The following CHLSN variants were observed in gnomAD, a reference collection of about 807,000 sequenced individuals.
CHLSN encodes the protein cholesin.
chr7:1,109,964 C>A, the CHLSN span, among the ~76,000 whole-genome samples: 122 of 152,336 alleles, frequency 8.0e-4, no homozygotes, highest in African/African-American at 2.7e-3. Context: ...CTCGCCGGGC[C>A]GTGGGCTGCG....
chr7:1,112,623 G>A, the CHLSN span, among the ~76,000 whole-genome samples: 4 of 151,606 alleles, frequency 2.6e-5, no homozygotes, highest in Non-Finnish European at 5.9e-5. Flanking sequence ...AAAAGCAAAC[G>A]AGCTTTAATT....
chr7:1,100,531 G>A, the CHLSN span, among the ~76,000 whole-genome samples: 8 of 152,210 alleles, frequency 5.3e-5, no homozygotes, highest in African/African-American at 1.9e-4. Context: ...ACCAAGCGGC[G>A]TCAGCTGGGG....
the CHLSN span, chr7:1,009,985 G>C: frequency 1.3e-6 from 2 of 1,586,088 alleles, no homozygotes; most frequent in Non-Finnish European, 1.7e-6. Context: ...CGGCCCCCGA[G>C]CGCCTGGCAG....
chr7:985,553 C>T, the CHLSN span, among the ~76,000 whole-genome samples: 1,869 of 152,320 alleles, frequency 0.012, 21 homozygotes, highest in Middle Eastern at 0.041. Flanking sequence ...ATCTCCCCCA[C>T]GCCCTCATCA....
At chr7:1,130,819 G>A in the CHLSN span, among the ~76,000 whole-genome samples, 15 of 152,278 alleles carry the variant, frequency 9.9e-5, no homozygotes, top group African/African-American at 2.6e-4. Flanking sequence ...CCTCCAGCCC[G>A]GACGGCTCAG....
the CHLSN span, among the ~76,000 whole-genome samples, chr7:1,011,514 C>A: frequency 6.6e-6 from 1 of 150,968 alleles, no homozygotes; most frequent in Non-Finnish European, 1.5e-5. Flanking sequence ...CCCTGACACA[C>A]CCACACCCAG....
At chr7:1,022,514 G>A in the CHLSN span, among the ~76,000 whole-genome samples, 2 of 152,082 alleles carry the variant, frequency 1.3e-5, no homozygotes, top group Admixed American at 6.5e-5. Context: ...TAACGCAATC[G>A]CAGGTGACGG....
At chr7:1,134,067 G>A in the CHLSN span, among the ~76,000 whole-genome samples, 4 of 152,032 alleles carry the variant, frequency 2.6e-5, no homozygotes, top group Non-Finnish European at 4.4e-5. Context: ...GGACTGCTGG[G>A]ATTGCAGGCG....
At chr7:1,021,653 G>A in the CHLSN span, 1 of 872,222 alleles carries the variant, frequency 1.1e-6, no homozygotes, top group African/African-American at 1.8e-5. Context: ...TGCCACCGCA[G>A]TGCCCTCTGG....
At chr7:984,563 A>G in the CHLSN span, 97 of 1,561,392 alleles carry the variant, frequency 6.2e-5, no homozygotes, top group Non-Finnish European at 8.3e-5. Context: ...CAGCTCATCC[A>G]GCGAGGTGGA....
chr7:1,057,725 A>C, the CHLSN span: 64 of 775,588 alleles, frequency 8.3e-5, no homozygotes, highest in Non-Finnish European at 1.4e-4. Flanking sequence ...TCAACATGGC[A>C]GTGGCAGGCC....
chr7:1,035,541 ACG>A, the CHLSN span, among the ~76,000 whole-genome samples: 1 of 152,244 alleles, frequency 6.6e-6, no homozygotes, highest in Non-Finnish European at 1.5e-5. Context: ...ATGGGGCCAG[ACG>A]CGCGACATCC....
chr7:1,070,494 A>G, the CHLSN span, among the ~76,000 whole-genome samples: 81,494 of 149,864 alleles, frequency 0.54, 22,719 homozygotes, highest in African/African-American at 0.64. Flanking sequence ...CGGGCACACG[A>G]ATGCACGCGC....
chr7:1,100,618 C>G, the CHLSN span, among the ~76,000 whole-genome samples: 4 of 152,156 alleles, frequency 2.6e-5, no homozygotes, highest in African/African-American at 9.7e-5. Context: ...GCCTTCCTGG[C>G]TCTCTGGCAG....
the CHLSN span, among the ~76,000 whole-genome samples, chr7:1,071,345 A>T: frequency 1.3e-5 from 2 of 152,186 alleles, no homozygotes; most frequent in African/African-American, 4.8e-5. Flanking sequence ...GAGTGGTGAA[A>T]CCGGAAGGTG....
chr7:1,132,514 G>A, the CHLSN span, among the ~76,000 whole-genome samples: 2 of 152,092 alleles, frequency 1.3e-5, no homozygotes, highest in African/African-American at 2.4e-5. Context: ...GCAACATGGT[G>A]AGGCTCCATC....
At chr7:986,914 C>A in the CHLSN span, 1 of 1,326,560 alleles carries the variant, frequency 7.5e-7, no homozygotes, top group Non-Finnish European at 1.0e-6. Flanking sequence ...TACCTCCTGG[C>A]TGGGGGCCTC....
the CHLSN span, chr7:1,043,372 A>T: frequency 6.6e-6 from 1 of 152,274 alleles, no homozygotes; most frequent in African/African-American, 2.4e-5. Context: ...TCTTTTTAGT[A>T]ATCCATAAAG....
At chr7:1,018,276 G>A in the CHLSN span, among the ~76,000 whole-genome samples, 1 of 151,850 alleles carries the variant, frequency 6.6e-6, no homozygotes, top group Non-Finnish European at 1.5e-5. Flanking sequence ...CCTTCAACAG[G>A]TAACCCATAT....
Sources: gnomAD v4.1 joint callset for allele counts (sites outside exome capture counted in the v4.1 genomes callset) on GRCh38, gnomAD v4.1.1 for gene constraint, MANE v1.5 for transcripts, NCBI Gene and HGNC (gene_info 2026-07-23, HGNC 2026-07-21) for gene names.